LHFPL3: variants seen among roughly 807,000 people sequenced by gnomAD.
LHFPL3 encodes LHFPL tetraspan subfamily member 3.
A neutral mutation model predicts 19.3 loss-of-function variants in LHFPL3; 5 were observed. The observed-to-expected ratio is 0.26, with a 90% CI of 0.14 to 0.54. The LOEUF (loss-of-function observed/expected upper bound fraction) is 0.54. Among genes scored for constraint, LHFPL3 ranks in the 20% least tolerant of loss-of-function variants. The pLI is 0.94. For synonymous variants in LHFPL3, 133 were observed against 126.2 expected (o/e 1.05, Z -0.36); for missense variants, 249 against 307.4 (o/e 0.81, Z 1.42).
intron 2 of LHFPL3, among the ~76,000 whole-genome samples, chr7:104,859,611 G>C (rs573753122): frequency 6.6e-6 from 1 of 152,126 alleles, no homozygotes; most frequent in Non-Finnish European, 1.5e-5. Flanking sequence ...GGAGGTTTCG[G>C]TGAGCTGAGA....
intron 1 of LHFPL3, among the ~76,000 whole-genome samples, chr7:104,528,651 T>TA (rs781275229): frequency 7.9e-5 from 12 of 152,190 alleles, no homozygotes; most frequent in Non-Finnish European, 1.5e-4. Context: ...AAAATGTTTT[T>TA]AAAATGTTCC....
intron 2 of LHFPL3, among the ~76,000 whole-genome samples, chr7:104,838,559 T>A (rs1047938019): frequency 1.3e-5 from 2 of 152,242 alleles, no homozygotes; most frequent in Non-Finnish European, 2.9e-5. Flanking sequence ...TGTTTCATTG[T>A]ATCTTTTCCA....
At position 104,883,005 on chromosome 7, in the gene LHFPL3, C is replaced by T. The variant is rs539047409; in HGVS notation, c.683-23182C>T. Among the ~76,000 whole-genome samples the T allele has an allele frequency of 3.9e-5, 6 of 152,292 alleles. No individual in the cohort carries two copies. The South Asian group carries it at 1.0e-3, about 26-fold the overall frequency. Reference sequence around the variant, plus strand: ...CAAACCACGCAATGTTTGAGACTTACTTATACTAAAAAACTGTCAATGTTT... The same window carrying T: ...CAAACCACGCAATGTTTGAGACTTATTTATACTAAAAAACTGTCAATGTTT... On this transcript the variant is annotated intron_variant, in intron 2 of 2. Coordinates refer to ENST00000424859, the MANE Select transcript of LHFPL3 (RefSeq NM_199000.3).
intron 2 of LHFPL3, among the ~76,000 whole-genome samples, chr7:104,753,545 A>C (rs6948659): frequency 0.59 from 89,834 of 151,888 alleles, 26,953 homozygotes; most frequent in East Asian, 0.89. Flanking sequence ...AGGCACAAAC[A>C]ATAAGGCAAA....
intron 1 of LHFPL3, among the ~76,000 whole-genome samples, chr7:104,585,425 T>C (rs1166613782): frequency 6.6e-6 from 1 of 150,556 alleles, no homozygotes; most frequent in African/African-American, 2.4e-5. Flanking sequence ...CCACTTTCTT[T>C]GACTATAATG....
chr7:104,833,505 ATATTGGGAACTTGTGAT>A, intron 2 of LHFPL3, among the ~76,000 whole-genome samples: 1 of 63,592 alleles, frequency 1.6e-5, no homozygotes, highest in African/African-American at 6.4e-5. Flanking sequence ...ATAAACTCCC[ATATTGGGAACTTGTGAT>A]CATGTAAGTT....
intron 1 of LHFPL3, among the ~76,000 whole-genome samples, chr7:104,388,405 C>CT (rs1562882469): frequency 1.1e-3 from 172 of 151,984 alleles, no homozygotes; most frequent in African/African-American, 4.0e-3. Context: ...CTCAATAAGA[C>CT]ATACAGCTGA....
chr7:104,571,350 C>T (rs1473175), intron 1 of LHFPL3, among the ~76,000 whole-genome samples: 146,902 of 151,418 alleles, frequency 0.97, 71,418 homozygotes, highest in East Asian at 1. Flanking sequence ...GTTTTTTTTT[C>T]CCAATTTTCA....
intron 1 of LHFPL3, among the ~76,000 whole-genome samples, chr7:104,506,528 T>C (rs1347911513): frequency 6.6e-6 from 1 of 152,252 alleles, no homozygotes; most frequent in Admixed American, 6.5e-5. Flanking sequence ...CACCTTTGTA[T>C]ACCCAGCACC....
At chr7:104,384,105 G>A (rs2385235) in intron 1 of LHFPL3, among the ~76,000 whole-genome samples, 1 of 130,946 alleles carries the variant, frequency 7.6e-6, no homozygotes, top group Non-Finnish European at 1.7e-5. Flanking sequence ...AAGTTAAACA[G>A]GGGACAATAA....
intron 2 of LHFPL3, among the ~76,000 whole-genome samples, chr7:104,849,777 C>T (rs1791381409): frequency 6.6e-6 from 1 of 152,230 alleles, no homozygotes; most frequent in African/African-American, 2.4e-5. Flanking sequence ...AGCCAGCATT[C>T]CTTCCTTCTG....
intron 1 of LHFPL3, among the ~76,000 whole-genome samples, chr7:104,603,094 CTTTCT>C (rs1418908555): frequency 8.5e-5 from 11 of 129,764 alleles, no homozygotes; most frequent in Non-Finnish European, 1.6e-4. Context: ...TTCTTTCTTT[CTTTCT>C]TTCTTTCTTT....
intron 1 of LHFPL3, among the ~76,000 whole-genome samples, chr7:104,598,720 C>G (rs529249170): frequency 2.6e-5 from 4 of 152,348 alleles, no homozygotes; most frequent in Admixed American, 6.5e-5. Flanking sequence ...TCATTCCTTT[C>G]ATCAAACAAA....
At chr7:104,472,652 T>C (rs946199218) in intron 1 of LHFPL3, among the ~76,000 whole-genome samples, 1 of 152,200 alleles carries the variant, frequency 6.6e-6, no homozygotes, top group Non-Finnish European at 1.5e-5. Flanking sequence ...CATTATTATG[T>C]AACTCGTTTT....
intron 1 of LHFPL3, among the ~76,000 whole-genome samples, chr7:104,519,975 C>A (rs1794016030): frequency 6.6e-6 from 1 of 152,044 alleles, no homozygotes; most frequent in Admixed American, 6.6e-5. Context: ...GTTATCAACA[C>A]ACCGAGAAAA....
intron 2 of LHFPL3, among the ~76,000 whole-genome samples, chr7:104,831,478 G>A (rs1187405151): frequency 6.6e-6 from 1 of 151,940 alleles, no homozygotes; most frequent in Non-Finnish European, 1.5e-5. Context: ...CAATTTATGT[G>A]AAACCACATC....
chr7:104,402,292 G>A (rs1300004559), intron 1 of LHFPL3, among the ~76,000 whole-genome samples: 1 of 152,194 alleles, frequency 6.6e-6, no homozygotes, highest in Non-Finnish European at 1.5e-5. Context: ...CCAAATTTCA[G>A]AGAAGTGGGG....
At chr7:104,605,127 A>G (rs193246149) in intron 1 of LHFPL3, among the ~76,000 whole-genome samples, 1 of 152,352 alleles carries the variant, frequency 6.6e-6, no homozygotes, top group East Asian at 1.9e-4. Context: ...TGTAGTCTAA[A>G]CACAACAAAT....
chr7:104,843,674 G>T (rs1791257327), intron 2 of LHFPL3, among the ~76,000 whole-genome samples: 1 of 152,108 alleles, frequency 6.6e-6, no homozygotes, highest in South Asian at 2.1e-4. Context: ...TAGAGGAGAG[G>T]GCCTGTACCT....
Sources: gnomAD v4.1 joint callset for allele counts (sites outside exome capture counted in the v4.1 genomes callset) on GRCh38, gnomAD v4.1.1 for gene constraint, MANE v1.5 for transcripts, NCBI Gene and HGNC (gene_info 2026-07-23, HGNC 2026-07-21) for gene names.